Variants in LHX6 observed in about 807,000 individuals in gnomAD.
LHX6 encodes the protein LIM homeobox 6.
LHX6 carries 15 observed loss-of-function variants against 47.1 expected under a neutral mutation model. The observed-to-expected ratio is 0.32, with a 90% CI of 0.21 to 0.49. The LOEUF (loss-of-function observed/expected upper bound fraction) is 0.49, where lower values mean the gene tolerates loss of function less well. Among genes scored for constraint, LHX6 ranks in the 20% least tolerant of loss-of-function variants. The pLI is 0.99. For synonymous variants in LHX6, 242 were observed against 233.5 expected (o/e 1.04, Z -0.33); for missense variants, 404 against 539.6 (o/e 0.75, Z 2.49).
intron 9 of LHX6, among the ~76,000 whole-genome samples, chr9:122,206,635 T>G (rs1327282342): frequency 6.6e-6 from 1 of 152,038 alleles, no homozygotes; most frequent in African/African-American, 2.4e-5. Flanking sequence ...CCAGCATGGC[T>G]CATCCCCCAG....
At chr9:122,225,701 G>A (rs924106161) in intron 4 of LHX6, among the ~76,000 whole-genome samples, 1 of 152,272 alleles carries the variant, frequency 6.6e-6, no homozygotes. Flanking sequence ...AGGCGCTGGG[G>A]GCCTGCGCAT....
intron 1 of LHX6, chr9:122,228,247 A>G: frequency 6.5e-7 from 1 of 1,534,164 alleles, no homozygotes; most frequent in Non-Finnish European, 8.7e-7. Context: ...CCAAAAAGAG[A>G]AAAGAGAGGC....
In LHX6 at chr9:122,214,485, C is replaced by CGG; in HGVS notation, c.683-104_683-103dup. 3 of 1,390,438 alleles carry CGG rather than the reference C, an allele frequency of 2.2e-6. No individual in the cohort carries two copies. The highest frequency in any genetic ancestry group is 2.8e-6 in the Non-Finnish European group (3 of 1,076,144). 86.1% of individuals were successfully genotyped at this position (1,390,438 alleles called of 1,614,324 possible). A position where few individuals can be genotyped will look rare whatever the true frequency, so the allele number is the denominator to read the frequency against. On this transcript the variant is annotated intron_variant, in intron 5 of 9. Transcript: ENST00000394319. This position sits in a 1 kb window ranked among gnomAD's most constrained non-coding sequence, Gnocchi z 4.6. The stretch of plus-strand genomic sequence containing the variant: ...AGCTTGTCCCTGGAAGGGTCAGGAG[C>CGG]GGGAGTTGGCTGGGAGCAGGGATCC...
At chr9:122,208,181 T>TCTCATCCTCCC (rs1215971973) in intron 9 of LHX6, among the ~76,000 whole-genome samples, 1 of 152,122 alleles carries the variant, frequency 6.6e-6, no homozygotes, top group Non-Finnish European at 1.5e-5. Context: ...GCTTTCCTCC[T>TCTCATCCTCCC]CTCATCCTCC....
At chr9:122,220,659 C>T (rs1047287883) in intron 4 of LHX6, among the ~76,000 whole-genome samples, 3 of 152,216 alleles carry the variant, frequency 2.0e-5, no homozygotes, top group Non-Finnish European at 4.4e-5. Context: ...CCGGGCCTTG[C>T]GTCCCTGGAT....
At chr9:122,205,280 G>A (rs115746518) in intron 9 of LHX6, among the ~76,000 whole-genome samples, 1,898 of 152,332 alleles carry the variant, frequency 0.012, 44 homozygotes, top group African/African-American at 0.042. Context: ...CCTTTCCAAG[G>A]TCACCGTGAC....
intron 4 of LHX6, among the ~76,000 whole-genome samples, chr9:122,224,560 G>A (rs1434444300): frequency 7.9e-6 from 1 of 126,192 alleles, no homozygotes; most frequent in African/African-American, 2.5e-5. Flanking sequence ...TCAGTGCCTG[G>A]GTGGAGGCCC....
In LHX6 at chr9:122,209,665, G is replaced by A. The variant is rs777365493; in HGVS notation, c.1107C>T (p.Pro369=). The A allele has an allele frequency of 1.9e-5, 25 of 1,341,560 alleles. No individual in the cohort carries two copies. Among genetic ancestry groups the A allele is most frequent in the African/African-American group, 1.3e-4 (9 of 69,650 alleles). 83.1% of individuals were successfully genotyped at this position (1,341,560 alleles called of 1,614,324 possible). The change falls in exon 9 of 10, where the codon CCC becomes CCT. Residue 369 remains proline, a synonymous_variant. Coordinates refer to ENST00000394319, the MANE Select transcript of LHX6 (RefSeq NM_014368.5). The stretch of plus-strand genomic sequence containing the variant: ...CATCCATATCGGCTTTGAGGTGGAC[G>A]GGGGGTGCGGTGTAAGGCAGCCGGC... ...VHCRLPYTAP[P]VHLKADMDGP... is the part of the protein sequence containing the mutation.
chr9:122,205,715 A>G (rs2118816914), intron 9 of LHX6, among the ~76,000 whole-genome samples: 1 of 151,960 alleles, frequency 6.6e-6, no homozygotes, highest in African/African-American at 2.4e-5. Flanking sequence ...CATAACCAAC[A>G]CCTGGGGGCA....
chr9:122,209,186 T>G (rs1384020839), intron 9 of LHX6, among the ~76,000 whole-genome samples: 1 of 152,238 alleles, frequency 6.6e-6, no homozygotes, highest in Non-Finnish European at 1.5e-5. Flanking sequence ...GAGGAGGCCC[T>G]GCCAGTTGAC....
intron 4 of LHX6, among the ~76,000 whole-genome samples, chr9:122,222,369 A>G (rs1830900186): frequency 1.3e-5 from 2 of 152,378 alleles, no homozygotes; most frequent in South Asian, 4.1e-4. Context: ...GGTCTTCACC[A>G]AAAGGTGAAG....
chr9:122,226,571 C>T lies in LHX6; in HGVS notation c.340-74G>A. 6.4e-7 allele frequency: 1 copy of T among 1,559,878 alleles called. No homozygotes were observed. The highest frequency in any genetic ancestry group is 8.6e-7 in the Non-Finnish European group (1 of 1,159,182). ...CTCCGGGCCCCAGCCTTCCCGGTCT[C>T]ATTTACAGTCAGAGGCGCTGAAGCT... On this transcript the variant is annotated intron_variant, in intron 3 of 9. Coordinates refer to ENST00000394319, the MANE Select transcript of LHX6 (RefSeq NM_014368.5). This position sits in a 1 kb window ranked among gnomAD's most constrained non-coding sequence, Gnocchi z 6.5.
intron 4 of LHX6, among the ~76,000 whole-genome samples, chr9:122,218,628 T>C (rs919433272): frequency 1.3e-5 from 2 of 152,126 alleles, no homozygotes; most frequent in Non-Finnish European, 1.5e-5. Context: ...TGAAATCCTG[T>C]TTCTGCCTTG....
At chr9:122,225,874 C>A (rs546285893) in intron 4 of LHX6, among the ~76,000 whole-genome samples, 1 of 152,292 alleles carries the variant, frequency 6.6e-6, no homozygotes, top group South Asian at 2.1e-4. Flanking sequence ...GAACCCAGAG[C>A]GGAGCGAGGG....
Position 122,209,709 on chromosome 9 carries a change from G to A in LHX6, c.1063C>T (p.Gln355Ter). Residue 355 changes from glutamine (Q) to a stop codon, truncating the protein, a stop_gained, in exon 9 of 10, where the codon CAG (glutamine) becomes TAG (stop). Coordinates refer to ENST00000394319, the MANE Select transcript of LHX6 (RefSeq NM_014368.5). LOFTEE classifies it high-confidence loss of function. ...TLHGYIESQV[Q>*]CGQVHCRLPY... ...AGCCGGCAGTGCACCTGCCCGCACT[G>A]TACCTGACCTGTGGACGAGAGGATG... 1 of 869,444 alleles carries A rather than the reference G, an allele frequency of 1.2e-6. No homozygotes were observed. The highest frequency in any genetic ancestry group is 2.0e-6 in the Non-Finnish European group (1 of 499,668). The allele number at this position is 869,444 out of a possible 1,614,324, so 53.9% of individuals were successfully genotyped here.
chr9:122,218,847 A>G (rs992571383), intron 4 of LHX6, among the ~76,000 whole-genome samples: 2 of 150,102 alleles, frequency 1.3e-5, no homozygotes, highest in Non-Finnish European at 3.0e-5. Context: ...GCACTTTCCC[A>G]CCCCCAGGCC....
chr9:122,221,340 A>G (rs1830847696), intron 4 of LHX6: 18 of 984,930 alleles, frequency 1.8e-5, no homozygotes, highest in Non-Finnish European at 2.2e-5. Context: ...CTGTCCCCCA[A>G]CAGCTGGCCG....
At chr9:122,206,112 C>T (rs1465023197) in intron 9 of LHX6, among the ~76,000 whole-genome samples, 1 of 152,208 alleles carries the variant, frequency 6.6e-6, no homozygotes, top group Non-Finnish European at 1.5e-5. Context: ...TAAGAACTTT[C>T]CAAGTGTTGG....
chr9:122,220,438 AG>A (rs1319009420), intron 4 of LHX6, among the ~76,000 whole-genome samples: 1 of 152,180 alleles, frequency 6.6e-6, no homozygotes, highest in Non-Finnish European at 1.5e-5. Context: ...AGCAGCACGA[AG>A]GGCGCGAGGA....
Sources: gnomAD v4.1 joint callset for allele counts (sites outside exome capture counted in the v4.1 genomes callset) on GRCh38, gnomAD v4.1.1 for gene constraint, Gnocchi (gnomAD v3.1) non-coding constraint, MANE v1.5 for transcripts, NCBI Gene and HGNC (gene_info 2026-07-23, HGNC 2026-07-21) for gene names.